The following RABEP1 variants were observed in gnomAD, a reference collection of about 807,000 sequenced individuals.
The protein encoded by RABEP1 is rab GTPase-binding effector protein 1.
A neutral mutation model predicts 123.4 loss-of-function variants in RABEP1; 51 were observed. The ratio of observed to expected loss-of-function variants is 0.41; its 90% CI spans 0.33 to 0.52. RABEP1 has a LOEUF of 0.52. Among genes scored for constraint, RABEP1 ranks in the 20% least tolerant of loss-of-function variants. The pLI is 0.16. For synonymous variants in RABEP1, 347 were observed against 355.2 expected, an observed-to-expected ratio of 0.98 and a Z score of 0.26; for missense variants, 888 against 996.3, an observed-to-expected ratio of 0.89 and a Z score of 1.46.
chr17:5,379,536 G>A (rs865917535), intron 15 of RABEP1, among the ~76,000 whole-genome samples: 18 of 152,202 alleles, frequency 1.2e-4, no homozygotes, highest in South Asian at 8.3e-4. Flanking sequence ...TGACTTCCCA[G>A]GCATCCCTCC....
chr17:5,346,410 T>G (rs1464380400), intron 5 of RABEP1, among the ~76,000 whole-genome samples: 2 of 152,218 alleles, frequency 1.3e-5, no homozygotes, highest in Non-Finnish European at 2.9e-5. Flanking sequence ...GGTATCGTTT[T>G]TGTCCTTAGA....
intron 2 of RABEP1, among the ~76,000 whole-genome samples, chr17:5,330,815 G>A (rs1252535920): frequency 5.3e-5 from 8 of 152,164 alleles, no homozygotes; most frequent in Admixed American, 2.6e-4. Context: ...TTCAGCCCAG[G>A]AGGCCAAGAC....
chr17:5,329,019 CTTTTTT>C (rs760060600), intron 2 of RABEP1, among the ~76,000 whole-genome samples: 5 of 110,660 alleles, frequency 4.5e-5, no homozygotes, highest in Admixed American at 1.0e-4. Flanking sequence ...TTCAGAAAGA[CTTTTTT>C]TTTTTTTTTT....
Position 5,384,305 on chromosome 17 carries a change from GA to G in RABEP1, c.*1085del, listed in dbSNP as rs1567560123. Reference sequence around the variant, plus strand: ...TTTCCTGTGTGAAGAAAGCCTCAGTGAAACAGGTCTTTGCCATAACTTTATG... The same window carrying G: ...TTTCCTGTGTGAAGAAAGCCTCAGTGAACAGGTCTTTGCCATAACTTTATG... On this transcript the variant is annotated 3_prime_UTR_variant, in exon 18 of 18. Coordinates refer to ENST00000537505, the MANE Select transcript of RABEP1 (RefSeq NM_004703.6). The G allele has an allele frequency of 4.7e-6, 1 of 213,754 alleles. No individual in the cohort carries two copies. Among genetic ancestry groups the G allele is most frequent in the African/African-American group, 2.3e-5 (1 of 44,312 alleles). 13.2% of individuals were successfully genotyped at this position (213,754 alleles called of 1,614,324 possible). A position where few individuals can be genotyped will look rare whatever the true frequency, so the allele number is the denominator to read the frequency against.
intron 5 of RABEP1, among the ~76,000 whole-genome samples, chr17:5,344,980 A>T (rs561787457): frequency 2.5e-4 from 38 of 152,212 alleles, no homozygotes; most frequent in Non-Finnish European, 3.4e-4. Flanking sequence ...AAAATAAAAA[A>T]AAATAAACAG....
rs752413982 is a variant in RABEP1 at position 5,384,180 on chromosome 17, T to C, written c.*957T>C. 6 of 214,842 alleles carry C rather than the reference T, an allele frequency of 2.8e-5. No homozygotes were observed. The highest frequency in any genetic ancestry group is 5.6e-5 in the Non-Finnish European group (6 of 106,704). 13.3% of individuals were successfully genotyped at this position (214,842 alleles called of 1,614,324 possible). A position where few individuals can be genotyped will look rare whatever the true frequency, so the allele number is the denominator to read the frequency against. On this transcript the variant is annotated 3_prime_UTR_variant, in exon 18 of 18. Coordinates refer to ENST00000537505, the MANE Select transcript of RABEP1 (RefSeq NM_004703.6). ...TTGACAGATACTTTGTATTTTTCTT[T>C]TGAATTCAGACCTGGAATGTAAGTA...
At chr17:5,310,920 GT>G (rs1277886620) in intron 2 of RABEP1, among the ~76,000 whole-genome samples, 1 of 149,052 alleles carries the variant, frequency 6.7e-6, no homozygotes, top group Non-Finnish European at 1.5e-5. Flanking sequence ...AGCGACTCTT[GT>G]GCCTTAGCCT....
At chr17:5,303,721 C>T (rs913194088) in intron 1 of RABEP1, among the ~76,000 whole-genome samples, 2 of 152,102 alleles carry the variant, frequency 1.3e-5, no homozygotes, top group Non-Finnish European at 2.9e-5. Context: ...TTTCACATTG[C>T]TTATGTCTTT....
chr17:5,362,567 G>A lies in RABEP1; in HGVS notation c.1564-345G>A, dbSNP rs545408895. ...ATTTTATAATTGGAGCTGGTGAAACGGTGACTTGGCACTGTTTTTATTTGT... is the reference window on the plus strand; with the variant it reads ...ATTTTATAATTGGAGCTGGTGAAACAGTGACTTGGCACTGTTTTTATTTGT... On this transcript the variant is annotated intron_variant, in intron 9 of 17. Coordinates refer to ENST00000537505, the MANE Select transcript of RABEP1 (RefSeq NM_004703.6). Among the ~76,000 whole-genome samples the A allele has an allele frequency of 3.3e-4, 50 of 152,294 alleles. 1 individual carries two copies. Among genetic ancestry groups the A allele is most frequent in the South Asian group, 1.5e-3 (7 of 4,820 alleles).
chr17:5,323,770 ATATC>A (rs1452138328), intron 2 of RABEP1, among the ~76,000 whole-genome samples: 4 of 125,588 alleles, frequency 3.2e-5, no homozygotes, highest in Non-Finnish European at 4.8e-5. Flanking sequence ...ATATATATAT[ATATC>A]TAGGAATATA....
At chr17:5,305,256 C>G (rs1421661702) in intron 1 of RABEP1, among the ~76,000 whole-genome samples, 1 of 152,024 alleles carries the variant, frequency 6.6e-6, no homozygotes, top group African/African-American at 2.4e-5. Flanking sequence ...GTTAGAAGTA[C>G]TTGAGGTGGA....
chr17:5,283,305 T>TA (rs776104482), intron 1 of RABEP1, among the ~76,000 whole-genome samples: 501 of 141,984 alleles, frequency 3.5e-3, no homozygotes, highest in African/African-American at 8.7e-3. Flanking sequence ...CTTGTGGAAC[T>TA]AAAAAAAAAA....
chr17:5,376,699 A>G (rs1385865279), intron 13 of RABEP1, among the ~76,000 whole-genome samples: 1 of 152,146 alleles, frequency 6.6e-6, no homozygotes, highest in Admixed American at 6.5e-5. Context: ...AAGTAAATAA[A>G]TGTTATCCTC....
At chr17:5,339,796 C>G (rs1907425538) in intron 5 of RABEP1, among the ~76,000 whole-genome samples, 1 of 151,660 alleles carries the variant, frequency 6.6e-6, no homozygotes, top group Non-Finnish European at 1.5e-5. Flanking sequence ...GAGTGAGACT[C>G]CATCTCAAAA....
At chr17:5,350,703 G>T in intron 7 of RABEP1, 74 bp downstream of exon 7, 5 of 1,483,152 alleles carry the variant, frequency 3.4e-6, no homozygotes, top group Non-Finnish European at 4.6e-6. Flanking sequence ...ATTACCTTAT[G>T]TGTATTAGAG....
chr17:5,358,661 A>G (rs1909234541), intron 8 of RABEP1, among the ~76,000 whole-genome samples: 1 of 149,398 alleles, frequency 6.7e-6, no homozygotes, highest in Non-Finnish European at 1.5e-5. Context: ...ACAGAGCGAG[A>G]CTGTCTCCAG....
At chr17:5,354,211 A>T (rs1908815079) in intron 7 of RABEP1, 148 bp from the exon 8 acceptor site, 2 of 612,452 alleles carry the variant, frequency 3.3e-6, no homozygotes, top group Non-Finnish European at 2.6e-6. Flanking sequence ...AGAGGCCCTT[A>T]GATGGGATTA....
At chr17:5,297,161 A>G (rs1485723430) in intron 1 of RABEP1, among the ~76,000 whole-genome samples, 1 of 152,198 alleles carries the variant, frequency 6.6e-6, no homozygotes, top group Non-Finnish European at 1.5e-5. Flanking sequence ...TCCTTAGGAT[A>G]AATTCTTGGT....
chr17:5,381,010 A>G (rs1911404406), intron 16 of RABEP1, among the ~76,000 whole-genome samples: 1 of 152,164 alleles, frequency 6.6e-6, no homozygotes, highest in South Asian at 2.1e-4. Flanking sequence ...CGTATTCACT[A>G]AGTTTCCTGG....
Sources: allele counts gnomAD v4.1 joint callset (sites outside exome capture counted in the v4.1 genomes callset), GRCh38; gene constraint gnomAD v4.1.1; transcripts MANE v1.5; gene names NCBI Gene and HGNC (gene_info 2026-07-23, HGNC 2026-07-21).